ANO3: variants seen among roughly 807,000 people sequenced by gnomAD.
The protein encoded by ANO3 is anoctamin 3, also known as anoctamin-3.
ANO3 carries 99 observed loss-of-function variants against 144.8 expected under a neutral mutation model. The observed-to-expected ratio is 0.68, with a 90% CI of 0.58 to 0.81. The LOEUF (loss-of-function observed/expected upper bound fraction) is 0.81. ANO3 is among the 30% of genes least tolerant of loss of function. The probability of loss-of-function intolerance (pLI) is 0.00; values close to 1 mark genes in which losing one functional copy is unlikely to be tolerated. For synonymous variants in ANO3, 414 were observed against 392.6 expected, an observed-to-expected ratio of 1.05 and a Z score of -0.64; for missense variants, 905 against 1,202.2, an observed-to-expected ratio of 0.75 and a Z score of 3.66.
At chr11:26,516,602 C>T (rs928393450) in intron 5 of ANO3, among the ~76,000 whole-genome samples, 1 of 151,900 alleles carries the variant, frequency 6.6e-6, no homozygotes, top group Non-Finnish European at 1.5e-5. Flanking sequence ...AGAAAATGCA[C>T]TAATGCACAT....
intron 14 of ANO3, among the ~76,000 whole-genome samples, chr11:26,578,912 G>A (rs1464581628): frequency 6.6e-6 from 1 of 152,178 alleles, no homozygotes; most frequent in Non-Finnish European, 1.5e-5. Context: ...CTGTTTTGTG[G>A]AGATACCATA....
chr11:26,442,173 C>G, intron 2 of ANO3, 61 bp downstream of exon 2: 1 of 1,494,186 alleles, frequency 6.7e-7, no homozygotes, highest in Non-Finnish European at 9.1e-7. Flanking sequence ...TCCAAACACT[C>G]CTTTCCTTCC....
chr11:26,444,915 A>G (rs1339096973), intron 3 of ANO3, among the ~76,000 whole-genome samples: 3 of 152,314 alleles, frequency 2.0e-5, no homozygotes, highest in East Asian at 1.9e-4. Context: ...TTCATTTCAT[A>G]TACAGAATCA....
At chr11:26,353,031 C>T (rs552850863) in intron 1 of ANO3, among the ~76,000 whole-genome samples, 10 of 152,272 alleles carry the variant, frequency 6.6e-5, no homozygotes, top group African/African-American at 1.9e-4. Context: ...AGTAAAAGTA[C>T]ACACTCAAGA....
upstream of ANO3, among the ~76,000 whole-genome samples, chr11:26,327,944 C>T (rs1854928859): frequency 1.3e-5 from 2 of 152,324 alleles, no homozygotes; most frequent in South Asian, 4.2e-4. Context: ...AACCCATCAT[C>T]ACCTCCTTTG....
intron 17 of ANO3, among the ~76,000 whole-genome samples, chr11:26,621,671 A>G (rs1852419855): frequency 6.6e-6 from 1 of 152,072 alleles, no homozygotes; most frequent in African/African-American, 2.4e-5. Flanking sequence ...CTACCCACTG[A>G]AATTTGAGTT....
At chr11:26,560,987 A>G in intron 14 of ANO3, 1 of 1,416,822 alleles carries the variant, frequency 7.1e-7, no homozygotes, top group Non-Finnish European at 9.6e-7. Context: ...AATTTTGTGT[A>G]ACCTTTTGAA....
chr11:26,616,594 A>G (rs933023360), intron 17 of ANO3, among the ~76,000 whole-genome samples: 2 of 152,198 alleles, frequency 1.3e-5, no homozygotes, highest in Admixed American at 1.3e-4. Context: ...GAAGGCAAGC[A>G]TGACAGCTCC....
chr11:26,316,832 C>T (rs1854637091), intron 1 of ANO3, among the ~76,000 whole-genome samples: 1 of 152,188 alleles, frequency 6.6e-6, no homozygotes. Context: ...CGTTCATAGG[C>T]TCTCTGCAGG....
intron 1 of ANO3, among the ~76,000 whole-genome samples, chr11:26,277,156 C>G (rs1485747607): frequency 6.6e-6 from 1 of 151,988 alleles, no homozygotes; most frequent in African/African-American, 2.4e-5. Context: ...AAATATCCTT[C>G]ATGTGATTTT....
At chr11:26,612,786 AT>A (rs200825528) in intron 17 of ANO3, among the ~76,000 whole-genome samples, 11 of 151,400 alleles carry the variant, frequency 7.3e-5, no homozygotes, top group South Asian at 2.1e-4. Flanking sequence ...TGCCGGACAG[AT>A]TTTTTTTTCC....
intron 17 of ANO3, among the ~76,000 whole-genome samples, chr11:26,609,769 T>G (rs1017625117): frequency 2.0e-5 from 3 of 152,238 alleles, no homozygotes; most frequent in Admixed American, 1.3e-4. Flanking sequence ...GTGAGATTGA[T>G]GGATCATATA....
chr11:26,575,471 T>TA (rs1476535001), intron 14 of ANO3, among the ~76,000 whole-genome samples: 1 of 152,054 alleles, frequency 6.6e-6, no homozygotes, highest in Admixed American at 6.6e-5. Context: ...GATTTAAAGA[T>TA]AAAATGAACA....
chr11:26,498,532 T>A lies in ANO3; in HGVS notation c.433-9572T>A, dbSNP rs560204013. On this transcript the variant is annotated intron_variant, in intron 4 of 26. Coordinates refer to ENST00000256737, the MANE Select transcript of ANO3 (RefSeq NM_031418.4). Reference sequence around the variant, plus strand: ...ATTTGTTATTATCAATGATAGTCAATAATTATTAATAATTAAAATTAATAA... The same window carrying A: ...ATTTGTTATTATCAATGATAGTCAAAAATTATTAATAATTAAAATTAATAA... 1.5e-4 allele frequency among the ~76,000 whole-genome samples: 22 copies of A among 149,972 alleles called. No homozygotes were observed. The East Asian group carries it at 4.3e-3, about 29-fold the overall frequency.
At chr11:26,635,324 G>A (rs1053572238) in intron 20 of ANO3, among the ~76,000 whole-genome samples, 4 of 150,996 alleles carry the variant, frequency 2.6e-5, no homozygotes, top group African/African-American at 9.7e-5. Flanking sequence ...CAGGAATTTA[G>A]CTCCAGTAAT....
chr11:26,234,479 A>G (rs546007980), intron 1 of ANO3, among the ~76,000 whole-genome samples: 23 of 152,232 alleles, frequency 1.5e-4, no homozygotes, highest in Admixed American at 4.6e-4. Flanking sequence ...AGCTAATGGA[A>G]AAGAAAATCT....
At chr11:26,621,330 T>G (rs1852408997) in intron 17 of ANO3, among the ~76,000 whole-genome samples, 1 of 152,156 alleles carries the variant, frequency 6.6e-6, no homozygotes, top group Admixed American at 6.6e-5. Context: ...TTCACTGTCT[T>G]ATTGCTGCCA....
chr11:26,290,460 T>A (rs150912959), intron 1 of ANO3, among the ~76,000 whole-genome samples: 6,592 of 152,186 alleles, frequency 0.043, 469 homozygotes, highest in African/African-American at 0.15. Flanking sequence ...AGCTTTTGAA[T>A]GTGTTTGCTC....
At chr11:26,465,644 T>G (rs567307324) in intron 4 of ANO3, among the ~76,000 whole-genome samples, 27 of 151,966 alleles carry the variant, frequency 1.8e-4, no homozygotes, top group African/African-American at 6.5e-4. Context: ...TAACCCCAAG[T>G]CCTGCAACCT....
Sources: gnomAD v4.1 joint callset for allele counts (sites outside exome capture counted in the v4.1 genomes callset) on GRCh38, gnomAD v4.1.1 for gene constraint, MANE v1.5 for transcripts, NCBI Gene and HGNC (gene_info 2026-07-23, HGNC 2026-07-21) for gene names.